Variants in GRAMD2B observed in about 807,000 individuals in gnomAD.
GRAMD2B encodes the protein GRAM domain containing 2B, also known as GRAM domain-containing protein 2B.
GRAMD2B carries 41 observed loss-of-function variants against 59.2 expected under a neutral mutation model. The observed-to-expected ratio is 0.69, with a 90% CI of 0.54 to 0.90. The LOEUF (loss-of-function observed/expected upper bound fraction) is 0.90. Among genes scored for constraint, GRAMD2B ranks in the 40% least tolerant of loss-of-function variants. GRAMD2B has a pLI of 0.00. For missense variants in GRAMD2B, 424 were observed against 500.5 expected, an observed-to-expected ratio of 0.85 and a Z score of 1.46; for synonymous variants, 161 against 182.7, an observed-to-expected ratio of 0.88 and a Z score of 0.96.
chr5:126,370,809 C>T (rs149305228), upstream of GRAMD2B, among the ~76,000 whole-genome samples: 12 of 152,302 alleles, frequency 7.9e-5, no homozygotes, highest in African/African-American at 2.9e-4. Context: ...AAGTCACAGC[C>T]TCCTATAACC....
In GRAMD2B at chr5:126,393,041, A is replaced by G. The variant is rs563140535; in HGVS notation, c.125+21474A>G. ...ATACATAATTACACCGCAGGACTCA[A>G]AGTTCACGCAAGAAAATGGTTTAAG... On this transcript the variant is annotated intron_variant, in intron 1 of 8. Coordinates refer to the GRAMD2B transcript ENST00000506445. 2.0e-5 allele frequency among the ~76,000 whole-genome samples: 3 copies of G among 152,322 alleles called. No individual in the cohort carries two copies. The East Asian group carries it at 5.8e-4, about 29-fold the overall frequency.
intron 1 of GRAMD2B, among the ~76,000 whole-genome samples, chr5:126,441,753 A>G (rs1254540077): frequency 2.6e-5 from 4 of 152,224 alleles, no homozygotes; most frequent in Admixed American, 1.3e-4. Context: ...AGCTCCCCCA[A>G]TGAGGATTTT....
intron 11 of GRAMD2B, among the ~76,000 whole-genome samples, chr5:126,486,239 TG>T (rs1772888146): frequency 6.6e-6 from 1 of 152,212 alleles, no homozygotes; most frequent in Non-Finnish European, 1.5e-5. Context: ...ACTCTATCAT[TG>T]TTAACTTTAG....
At chr5:126,368,650 C>A (rs781024318), upstream of GRAMD2B, among the ~76,000 whole-genome samples, 5 of 152,178 alleles carry the variant, frequency 3.3e-5, no homozygotes, top group Non-Finnish European at 5.9e-5. Context: ...TCTCTGCTGG[C>A]TTCTGTCCCT....
chr5:126,483,675 C>A, intron 9 of GRAMD2B, 101 bp downstream of exon 9: 1 of 638,096 alleles, frequency 1.6e-6, no homozygotes. Flanking sequence ...AAGAAAAAAA[C>A]CCACATTGTC....
At chr5:126,423,149 T>C (rs1483117285), upstream of GRAMD2B, 1 of 998,296 alleles carries the variant, frequency 1.0e-6, no homozygotes, top group Non-Finnish European at 1.2e-6. Flanking sequence ...TTCCGGTATC[T>C]AGAGCCGGCT....
At chr5:126,440,080 T>A (rs1763050124) in intron 1 of GRAMD2B, among the ~76,000 whole-genome samples, 1 of 152,140 alleles carries the variant, frequency 6.6e-6, no homozygotes, top group Non-Finnish European at 1.5e-5. Flanking sequence ...GAAAATGGAC[T>A]AATACAGTCA....
At chr5:126,394,032 C>T (rs568154766) in intron 1 of GRAMD2B, among the ~76,000 whole-genome samples, 4 of 152,052 alleles carry the variant, frequency 2.6e-5, no homozygotes, top group African/African-American at 4.8e-5. Context: ...CCCAGCACTT[C>T]GGGAGGCCAA....
upstream of GRAMD2B, among the ~76,000 whole-genome samples, chr5:126,419,333 AGC>A (rs966890539): frequency 6.6e-6 from 1 of 152,066 alleles, no homozygotes; most frequent in African/African-American, 2.4e-5. Flanking sequence ...AGAGAGAGAG[AGC>A]GAGAGAGAGC....
At chr5:126,382,911 C>T (rs1338332547) in intron 1 of GRAMD2B, among the ~76,000 whole-genome samples, 2 of 152,162 alleles carry the variant, frequency 1.3e-5, no homozygotes, top group East Asian at 1.9e-4. Flanking sequence ...TCTCCCCCTT[C>T]CCCTAGGGAT....
intron 1 of GRAMD2B, among the ~76,000 whole-genome samples, chr5:126,374,522 C>T (rs1367597969): frequency 1.3e-5 from 2 of 152,148 alleles, no homozygotes; most frequent in Admixed American, 1.3e-4. Flanking sequence ...TGTTTACACT[C>T]TCTACTATGT....
In GRAMD2B at chr5:126,451,677, G is replaced by A. The variant is rs542459397; in HGVS notation, c.84-13749G>A. ...AGTATGATTGTATTTTGCAATGTGA[G>A]GACGAGATGTGGGGGGCCAGCGGCA... On this transcript the variant is annotated intron_variant, in intron 1 of 13. Transcript: ENST00000285689. 3.9e-5 allele frequency among the ~76,000 whole-genome samples: 6 copies of A among 152,276 alleles called. No homozygotes were observed. In the East Asian group the frequency reaches 7.7e-4, roughly 20 times the overall value.
intron 13 of GRAMD2B, among the ~76,000 whole-genome samples, chr5:126,490,127 G>A (rs574618203): frequency 6.6e-6 from 1 of 152,218 alleles, no homozygotes; most frequent in African/African-American, 2.4e-5. Context: ...CCTAGAGAAG[G>A]TATGAGTTAG....
chr5:126,453,387 A>C (rs1765716028), intron 1 of GRAMD2B, among the ~76,000 whole-genome samples: 1 of 151,844 alleles, frequency 6.6e-6, no homozygotes, highest in Admixed American at 6.6e-5. Flanking sequence ...ACAGAAATTC[A>C]AAAAAATGCT....
At chr5:126,432,580 T>C (rs1164665609) in intron 1 of GRAMD2B, among the ~76,000 whole-genome samples, 2 of 152,210 alleles carry the variant, frequency 1.3e-5, no homozygotes, top group Non-Finnish European at 2.9e-5. Flanking sequence ...CTATAATTCA[T>C]TAGAAAATAA....
Position 126,468,839 on chromosome 5 carries a change from C to A in GRAMD2B, c.204-838C>A, listed in dbSNP as rs746445788. Among the ~76,000 whole-genome samples, 57 of 152,222 alleles carry A rather than the reference C, an allele frequency of 3.7e-4. 1 individual carries two copies. The highest frequency in any genetic ancestry group is 7.8e-4 in the Admixed American group (12 of 15,294). ...TAGACTTATTGGCTCCATACCTTCT[C>A]CTAACTCCTATAATATGTATTTTTT... On this transcript the variant is annotated intron_variant, in intron 2 of 13. Coordinates refer to ENST00000285689, the MANE Select transcript of GRAMD2B (RefSeq NM_023927.4).
In GRAMD2B at chr5:126,442,293, C is replaced by CT. The variant is rs11325974; in HGVS notation, c.83+18617dup. Among the ~76,000 whole-genome samples, 292 of 140,962 alleles carry CT rather than the reference C, an allele frequency of 2.1e-3. 1 individual carries two copies. Among genetic ancestry groups the CT allele is most frequent in the East Asian group, 0.017 (84 of 4,928 alleles). 92.5% of individuals were successfully genotyped at this position (140,962 alleles called of 152,430 possible). Reference sequence around the variant, plus strand: ...AAATGCTTTTTCTTTTCTTTTTTTTCTTTTTTTTTTTTTGTGAGATGGAGT... The same window carrying CT: ...AAATGCTTTTTCTTTTCTTTTTTTTCTTTTTTTTTTTTTTGTGAGATGGAGT... On this transcript the variant is annotated intron_variant, in intron 1 of 13. Coordinates refer to ENST00000285689, the MANE Select transcript of GRAMD2B (RefSeq NM_023927.4).
At chr5:126,490,023 A>G (rs1773628963) in intron 13 of GRAMD2B, among the ~76,000 whole-genome samples, 1 of 152,242 alleles carries the variant, frequency 6.6e-6, no homozygotes, top group Non-Finnish European at 1.5e-5. Context: ...AGGAGTTTCC[A>G]AACTTATGTT....
intron 2 of GRAMD2B, among the ~76,000 whole-genome samples, chr5:126,468,771 A>T (rs936101764): frequency 1.3e-5 from 2 of 152,144 alleles, no homozygotes; most frequent in Non-Finnish European, 2.9e-5. Context: ...TACAGGCATG[A>T]GCCACTGTGC....
Sources: gnomAD v4.1 joint callset for allele counts (sites outside exome capture counted in the v4.1 genomes callset) on GRCh38, gnomAD v4.1.1 for gene constraint, MANE v1.5 for transcripts, NCBI Gene and HGNC (gene_info 2026-07-23, HGNC 2026-07-21) for gene names.